Variants in CCDC126 observed in about 807,000 individuals in gnomAD.
CCDC126 encodes coiled-coil domain-containing protein 126.
Under a neutral mutation model 11.7 loss-of-function variants are expected in CCDC126, and 5 were observed. The ratio of observed to expected loss-of-function variants is 0.43; its 90% CI spans 0.22 to 0.90. The LOEUF is 0.90. Among genes scored for constraint, CCDC126 ranks in the 40% least tolerant of loss-of-function variants. The pLI is 0.27. For missense variants in CCDC126, 150 were observed against 163.1 expected (o/e 0.92, Z 0.44); for synonymous variants, 60 against 61.9 (o/e 0.97, Z 0.14).
intron 3 of CCDC126, among the ~76,000 whole-genome samples, chr7:23,629,736 G>T (rs888194150): frequency 2.0e-5 from 3 of 151,820 alleles, no homozygotes; most frequent in Non-Finnish European, 4.4e-5. Flanking sequence ...GGAAAGAATC[G>T]GTAAACTGGA....
At chr7:23,621,016 G>A (rs1782885013) in intron 3 of CCDC126, among the ~76,000 whole-genome samples, 1 of 152,218 alleles carries the variant, frequency 6.6e-6, no homozygotes, top group Non-Finnish European at 1.5e-5. Context: ...GTAGTGTGAT[G>A]CCTCCAGCTT....
chr7:23,627,525 C>A (rs2128019613), intron 3 of CCDC126, among the ~76,000 whole-genome samples: 2 of 151,720 alleles, frequency 1.3e-5, no homozygotes, highest in East Asian at 3.9e-4. Flanking sequence ...TGAGATCGCA[C>A]CACTGCACTC....
chr7:23,608,898 GC>G (rs1342480120), intron 2 of CCDC126, among the ~76,000 whole-genome samples: 3 of 152,146 alleles, frequency 2.0e-5, no homozygotes, highest in Non-Finnish European at 1.5e-5. Flanking sequence ...TAGGTAGGGG[GC>G]CAGAAGGTGG....
At chr7:23,636,787 C>T (rs1428549169) in intron 3 of CCDC126, among the ~76,000 whole-genome samples, 1 of 140,698 alleles carries the variant, frequency 7.1e-6, no homozygotes, top group African/African-American at 2.7e-5. Flanking sequence ...GGGTCAGCCC[C>T]CCGCCCGGCC....
At chr7:23,601,921 A>G (rs1034206465) in intron 2 of CCDC126, 1 of 152,186 alleles carries the variant, frequency 6.6e-6, no homozygotes, top group Non-Finnish European at 1.5e-5. Flanking sequence ...TCTGGCTTCA[A>G]GAAGTCCTCC....
Position 23,621,120 on chromosome 7 carries a change from T to G in CCDC126, c.238+9567T>G, listed in dbSNP as rs528710659. On this transcript the variant is annotated intron_variant, in intron 3 of 3. Coordinates refer to ENST00000307471, the MANE Select transcript of CCDC126 (RefSeq NM_138771.4). Reference sequence around the variant, plus strand: ...GTTTTTTCCAATTCTGTGAAGAAAGTCATTGGTAGCTTGATGGGGATGGCA... The same window carrying G: ...GTTTTTTCCAATTCTGTGAAGAAAGGCATTGGTAGCTTGATGGGGATGGCA... Among the ~76,000 whole-genome samples, 6 of 152,332 alleles carry G rather than the reference T, an allele frequency of 3.9e-5. No homozygotes were observed. In the East Asian group the frequency reaches 7.7e-4, roughly 20 times the overall value.
chr7:23,641,166 A>G (rs1783349440), intron 3 of CCDC126, among the ~76,000 whole-genome samples: 1 of 152,128 alleles, frequency 6.6e-6, no homozygotes, highest in Non-Finnish European at 1.5e-5. Context: ...CATCCTTGCC[A>G]ACACTTATTT....
chr7:23,612,472 C>A (rs1295955928), intron 3 of CCDC126, among the ~76,000 whole-genome samples: 2 of 29,954 alleles, frequency 6.7e-5, no homozygotes, highest in South Asian at 2.2e-3. Flanking sequence ...TAGACTCCAT[C>A]TCAAAAAAAA....
At chr7:23,628,659 G>A (rs1178098635) in intron 3 of CCDC126, among the ~76,000 whole-genome samples, 1 of 152,232 alleles carries the variant, frequency 6.6e-6, no homozygotes, top group Non-Finnish European at 1.5e-5. Context: ...CCAGCCAGGA[G>A]TGAGAACTGC....
intron 2 of CCDC126, among the ~76,000 whole-genome samples, chr7:23,603,276 T>G (rs1240412954): frequency 6.6e-6 from 1 of 152,228 alleles, no homozygotes; most frequent in Non-Finnish European, 1.5e-5. Flanking sequence ...TATAATACTT[T>G]GATTTATGTG....
At chr7:23,609,937 G>A (rs779830685) in intron 2 of CCDC126, among the ~76,000 whole-genome samples, 2 of 152,192 alleles carry the variant, frequency 1.3e-5, no homozygotes, top group Non-Finnish European at 2.9e-5. Flanking sequence ...ATATCTTTGT[G>A]AAATGCACTG....
At chr7:23,636,133 C>T (rs1021930349) in intron 3 of CCDC126, among the ~76,000 whole-genome samples, 3 of 152,196 alleles carry the variant, frequency 2.0e-5, no homozygotes, top group Non-Finnish European at 4.4e-5. Context: ...CCCTAGGTGC[C>T]GGGATTGCAG....
chr7:23,599,935 C>G (rs1408792728), intron 2 of CCDC126, among the ~76,000 whole-genome samples: 1 of 151,464 alleles, frequency 6.6e-6, no homozygotes, highest in Non-Finnish European at 1.5e-5. Context: ...CAGGCATGCA[C>G]CACCATGCCT....
chr7:23,633,066 C>T (rs1282735258), intron 3 of CCDC126, among the ~76,000 whole-genome samples: 7 of 152,148 alleles, frequency 4.6e-5, no homozygotes, highest in African/African-American at 1.7e-4. Flanking sequence ...GATCTCGGCT[C>T]ACCATAACCT....
At chr7:23,631,622 G>A (rs13242749) in intron 3 of CCDC126, among the ~76,000 whole-genome samples, 27,979 of 151,946 alleles carry the variant, frequency 0.18, 2,965 homozygotes, top group Non-Finnish European at 0.25. Flanking sequence ...TTAGCCGGGC[G>A]TGGTGGTGTG....
intron 2 of CCDC126, among the ~76,000 whole-genome samples, chr7:23,610,323 C>T (rs901913126): frequency 3.3e-5 from 5 of 152,218 alleles, no homozygotes; most frequent in African/African-American, 1.2e-4. Context: ...GCAGCCCTGC[C>T]GCCCCACCTT....
intron 3 of CCDC126, among the ~76,000 whole-genome samples, chr7:23,618,296 G>GA (rs1782828593): frequency 6.6e-6 from 1 of 152,160 alleles, no homozygotes; most frequent in Non-Finnish European, 1.5e-5. Flanking sequence ...GAAGTCAGCT[G>GA]AAAATCCCCA....
At chr7:23,638,774 C>T (rs1584220583) in intron 3 of CCDC126, among the ~76,000 whole-genome samples, 1 of 106,100 alleles carries the variant, frequency 9.4e-6, no homozygotes, top group Non-Finnish European at 2.0e-5. Flanking sequence ...AGTAGTCTGC[C>T]AGAAAAAAAA....
chr7:23,628,598 C>G (rs2128019880), intron 3 of CCDC126, among the ~76,000 whole-genome samples: 1 of 152,304 alleles, frequency 6.6e-6, no homozygotes, highest in South Asian at 2.1e-4. Context: ...ACATTCCTGC[C>G]ATGGAGGTGT....
Sources: allele counts gnomAD v4.1 joint callset (sites outside exome capture counted in the v4.1 genomes callset), GRCh38; gene constraint gnomAD v4.1.1; transcripts MANE v1.5; gene names NCBI Gene and HGNC (gene_info 2026-07-23, HGNC 2026-07-21).